Variants in RGS6 observed in about 807,000 individuals in gnomAD.
RGS6 encodes regulator of G protein signaling 6, also known as regulator of G-protein signaling 6.
A neutral mutation model predicts 78.5 loss-of-function variants in RGS6; 30 were observed. The ratio of observed to expected loss-of-function variants is 0.38; its 90% CI spans 0.29 to 0.52. RGS6 has a LOEUF of 0.52. RGS6 is among the 20% of genes least tolerant of loss of function. RGS6 has a pLI of 0.85. For synonymous variants in RGS6, 206 were observed against 206.0 expected (o/e 1.00, Z 0.00); for missense variants, 495 against 609.7 (o/e 0.81, Z 1.98).
rs1480436384 is a variant in RGS6, at chr14:72,478,195, T to G, written c.793-73T>G. 3.6e-5 allele frequency: 38 copies of G among 1,069,256 alleles called. No homozygotes were observed. The East Asian group carries it at 4.9e-4, about 14-fold the overall frequency. The allele number at this position is 1,069,256 out of a possible 1,614,324, so 66.2% of individuals were successfully genotyped here. A position where few individuals can be genotyped will look rare whatever the true frequency, so the allele number is the denominator to read the frequency against. ...TTTGGATCTTGGTGGAAATGCAGGA[T>G]TTGGGTTTGTGGAGCGAGGGGAAAA... On this transcript the variant is annotated intron_variant, in intron 11 of 17. Coordinates refer to ENST00000553525, the MANE Select transcript of RGS6 (RefSeq NM_001204424.2).
intron 2 of RGS6, among the ~76,000 whole-genome samples, chr14:72,065,248 G>A (rs1021862490): frequency 2.6e-5 from 4 of 152,176 alleles, no homozygotes; most frequent in Non-Finnish European, 5.9e-5. Context: ...GTTCAGTTTA[G>A]CAGGGGACAG....
At chr14:71,882,931 G>A in the RGS6 span, among the ~76,000 whole-genome samples, 3 of 152,162 alleles carry the variant, frequency 2.0e-5, no homozygotes, top group East Asian at 5.8e-4. Context: ...GGGTCAAACA[G>A]CCAAGAAACC....
intron 5 of RGS6, 114 bp from the exon 6 acceptor site, chr14:72,459,518 T>A (rs1378548871): frequency 1.1e-6 from 1 of 924,172 alleles, no homozygotes; most frequent in Non-Finnish European, 1.7e-6. Context: ...TGGGGTAGCA[T>A]CAGCAAGAAG....
At chr14:72,489,959 G>C (rs888467163) in intron 12 of RGS6, among the ~76,000 whole-genome samples, 1 of 152,212 alleles carries the variant, frequency 6.6e-6, no homozygotes, top group African/African-American at 2.4e-5. Context: ...AGCCCAAGTA[G>C]CTAAGAAGTG....
chr14:72,546,174 T>A (rs561023831), intron 17 of RGS6, among the ~76,000 whole-genome samples: 9 of 152,218 alleles, frequency 5.9e-5, no homozygotes, highest in African/African-American at 2.2e-4. Context: ...TTATCCTGTT[T>A]ACAATCAGTG....
At chr14:72,136,729 C>A (rs1008462758) in intron 2 of RGS6, among the ~76,000 whole-genome samples, 11 of 152,072 alleles carry the variant, frequency 7.2e-5, no homozygotes, top group African/African-American at 9.7e-5. Flanking sequence ...AAAACTTAAT[C>A]AAAAATAATT....
intron 2 of RGS6, among the ~76,000 whole-genome samples, chr14:72,342,449 C>G (rs1259752290): frequency 2.6e-5 from 4 of 151,886 alleles, no homozygotes; most frequent in African/African-American, 9.7e-5. Context: ...ACATGTAATC[C>G]CAGCTACTTG....
At chr14:72,376,647 T>C (rs1228013606) in intron 3 of RGS6, among the ~76,000 whole-genome samples, 2 of 151,858 alleles carry the variant, frequency 1.3e-5, no homozygotes, top group African/African-American at 4.8e-5. Flanking sequence ...TCAGAAACCA[T>C]GTAGGCCAGG....
At chr14:71,993,402 T>G (rs932511440) in intron 2 of RGS6, among the ~76,000 whole-genome samples, 1 of 152,224 alleles carries the variant, frequency 6.6e-6, no homozygotes, top group Non-Finnish European at 1.5e-5. Context: ...ACCCATACTT[T>G]TATAATAATA....
chr14:72,227,494 A>G (rs2048397166), intron 2 of RGS6, among the ~76,000 whole-genome samples: 1 of 152,200 alleles, frequency 6.6e-6, no homozygotes, highest in African/African-American at 2.4e-5. Flanking sequence ...AAAGATGTTC[A>G]CCAAAACCCC....
chr14:72,273,558 A>G (rs974202837), intron 2 of RGS6, among the ~76,000 whole-genome samples: 29 of 152,198 alleles, frequency 1.9e-4, no homozygotes, highest in Admixed American at 1.5e-3. Context: ...CAAGGGCCCT[A>G]TTAAGATTTA....
At chr14:72,380,384 A>G (rs900963503) in intron 3 of RGS6, among the ~76,000 whole-genome samples, 5 of 152,128 alleles carry the variant, frequency 3.3e-5, no homozygotes, top group Admixed American at 1.3e-4. Context: ...GACATCTTAC[A>G]GAATGAGAGA....
chr14:72,098,948 T>G (rs1400268570), intron 2 of RGS6, among the ~76,000 whole-genome samples: 1 of 152,190 alleles, frequency 6.6e-6, no homozygotes, highest in Non-Finnish European at 1.5e-5. Flanking sequence ...CGGATTTCTT[T>G]CTTATTGTGC....
intron 17 of RGS6, among the ~76,000 whole-genome samples, chr14:72,561,242 A>T (rs530552633): frequency 6.6e-6 from 1 of 152,208 alleles, no homozygotes; most frequent in Admixed American, 6.5e-5. Context: ...CTCACACCCC[A>T]CTTGGAAATG....
intron 2 of RGS6, among the ~76,000 whole-genome samples, chr14:72,166,935 A>G (rs973726820): frequency 3.3e-5 from 5 of 152,220 alleles, no homozygotes; most frequent in African/African-American, 7.2e-5. Context: ...TTGTTCACCA[A>G]ATCATTTCAT....
intron 2 of RGS6, among the ~76,000 whole-genome samples, chr14:72,145,213 G>A (rs1244127747): frequency 6.6e-6 from 1 of 152,152 alleles, no homozygotes; most frequent in East Asian, 1.9e-4. Context: ...CTTGGAGCCA[G>A]AGGCTGCATG....
intron 13 of RGS6, among the ~76,000 whole-genome samples, chr14:72,507,137 C>G (rs2096817475): frequency 6.6e-6 from 1 of 152,108 alleles, no homozygotes; most frequent in Admixed American, 6.5e-5. Flanking sequence ...CCACTGCACT[C>G]CAGCCTGGAC....
At chr14:72,334,343 C>T (rs1157847947) in intron 2 of RGS6, among the ~76,000 whole-genome samples, 1 of 152,216 alleles carries the variant, frequency 6.6e-6, no homozygotes, top group African/African-American at 2.4e-5. Context: ...TCCTATATGT[C>T]TCGTTTGACG....
chr14:72,028,025 G>A (rs1038862308), intron 2 of RGS6, among the ~76,000 whole-genome samples: 2 of 152,220 alleles, frequency 1.3e-5, no homozygotes, highest in African/African-American at 4.8e-5. Flanking sequence ...CTGGGTGACT[G>A]CGTGTTTGTG....
Sources: gnomAD v4.1 joint callset for allele counts (sites outside exome capture counted in the v4.1 genomes callset) on GRCh38, gnomAD v4.1.1 for gene constraint, MANE v1.5 for transcripts, NCBI Gene and HGNC (gene_info 2026-07-23, HGNC 2026-07-21) for gene names.